The following ITGA9 variants were observed in gnomAD, a reference collection of about 807,000 sequenced individuals.
ITGA9 encodes the protein integrin alpha-9.
In ITGA9, 56 loss-of-function variants were observed where a neutral mutation model predicts 127.8. That is an observed-to-expected ratio of 0.44 (90% CI 0.35 to 0.55). The LOEUF (loss-of-function observed/expected upper bound fraction) is 0.55, where lower values mean the gene tolerates loss of function less well. ITGA9 is among the 20% of genes least tolerant of loss of function. The pLI is 0.00. For synonymous variants in ITGA9, 508 were observed against 514.5 expected, an observed-to-expected ratio of 0.99 and a Z score of 0.17; for missense variants, 1,196 against 1,347.1, an observed-to-expected ratio of 0.89 and a Z score of 1.76.
intron 18 of ITGA9, among the ~76,000 whole-genome samples, chr3:37,692,412 A>AGTGTGTGT (rs59928496): frequency 0.01 from 1,521 of 146,044 alleles, 22 homozygotes; most frequent in African/African-American, 0.034. Context: ...AGAGAGAGAG[A>AGTGTGTGT]GTGTGTGTGT....
At chr3:37,488,258 AT>A (rs1184629276) in intron 4 of ITGA9, among the ~76,000 whole-genome samples, 1 of 152,052 alleles carries the variant, frequency 6.6e-6, no homozygotes, top group African/African-American at 2.4e-5. Context: ...TGGTCCCAAA[AT>A]TGAATTCTGC....
At chr3:37,707,083 A>G (rs1346862537) in intron 18 of ITGA9, among the ~76,000 whole-genome samples, 2 of 152,220 alleles carry the variant, frequency 1.3e-5, no homozygotes, top group Non-Finnish European at 2.9e-5. Context: ...TATACTATAC[A>G]AGAAGTTATC....
intron 26 of ITGA9, among the ~76,000 whole-genome samples, chr3:37,793,973 G>T (rs1369635709): frequency 2.0e-5 from 3 of 152,190 alleles, no homozygotes; most frequent in African/African-American, 7.2e-5. Flanking sequence ...GACCCAAAAG[G>T]ATCTGGGCAG....
chr3:37,793,434 ACACG>A (rs1697137479), intron 26 of ITGA9, among the ~76,000 whole-genome samples: 1 of 143,968 alleles, frequency 6.9e-6, no homozygotes, highest in African/African-American at 2.6e-5. Context: ...ACACACACAC[ACACG>A]TGCACACACA....
chr3:37,506,333 C>T (rs1237103287), intron 7 of ITGA9, among the ~76,000 whole-genome samples: 1 of 151,970 alleles, frequency 6.6e-6, no homozygotes. Context: ...CACAGCTGAC[C>T]ATGTGTGTGT....
chr3:37,506,700 G>T (rs1698847302), intron 7 of ITGA9, among the ~76,000 whole-genome samples: 1 of 152,172 alleles, frequency 6.6e-6, no homozygotes, highest in Admixed American at 6.5e-5. Flanking sequence ...CCTGAATTGT[G>T]AACTACGCTT....
In ITGA9 at chr3:37,471,142, A is replaced by C; in HGVS notation, c.313+8A>C. On this transcript the variant is annotated splice_region_variant and intron_variant, in intron 2 of 27. Transcript: ENST00000264741. ...AACTGGACATGGCTCGAGGTGGGTG[A>C]CCATTACTGCTGTGGTGGAAATGGG... The C allele has an allele frequency of 6.2e-7, 1 of 1,613,810 alleles. No individual in the cohort carries two copies.
At chr3:37,480,305 G>T (rs1465095452) in intron 3 of ITGA9, among the ~76,000 whole-genome samples, 2 of 152,168 alleles carry the variant, frequency 1.3e-5, no homozygotes, top group African/African-American at 2.4e-5. Context: ...TAGCAGAGCT[G>T]CCCTGCCTCA....
intron 15 of ITGA9, among the ~76,000 whole-genome samples, chr3:37,599,934 T>C (rs1381132469): frequency 1.3e-5 from 2 of 152,116 alleles, no homozygotes; most frequent in African/African-American, 2.4e-5. Context: ...TCTGTAATGG[T>C]ATAATATGAA....
rs143332603 is a variant in ITGA9, at chr3:37,697,307, GTTATTATTATTATTA to G, written c.2067+13324_2067+13338del. On this transcript the variant is annotated intron_variant, in intron 18 of 27. Coordinates refer to ENST00000264741, the MANE Select transcript of ITGA9 (RefSeq NM_002207.3). ...ATTAGTACAAATAACGACTACTTCT[GTTATTATTATTATTA>G]TTATTATTATTATTATTATTATTAT... Among the ~76,000 whole-genome samples the G allele has an allele frequency of 8.1e-3, 1,168 of 143,616 alleles. 13 individuals are homozygous for G. Among genetic ancestry groups the G allele is most frequent in the Middle Eastern group, 0.036 (10 of 278 alleles). 94.2% of individuals were successfully genotyped at this position (143,616 alleles called of 152,430 possible). A position where few individuals can be genotyped will look rare whatever the true frequency, so the allele number is the denominator to read the frequency against.
intron 1 of ITGA9, among the ~76,000 whole-genome samples, chr3:37,463,546 A>G (rs1698338663): frequency 6.6e-6 from 1 of 152,202 alleles, no homozygotes; most frequent in African/African-American, 2.4e-5. Flanking sequence ...CAGAACAATC[A>G]GAGGCTTGCA....
rs570272853 is a variant in ITGA9 at position 37,525,938 on chromosome 3, G to C, written c.1328-88G>C. 1.2e-3 allele frequency: 1,305 copies of C among 1,066,442 alleles called. 24 individuals carry two copies. In the South Asian group the frequency reaches 0.016, roughly 13 times the overall value. 66.1% of individuals were successfully genotyped at this position (1,066,442 alleles called of 1,614,324 possible). A position where few individuals can be genotyped will look rare whatever the true frequency, so the allele number is the denominator to read the frequency against. On this transcript the variant is annotated intron_variant, in intron 12 of 27. Coordinates refer to ENST00000264741, the MANE Select transcript of ITGA9 (RefSeq NM_002207.3). ...TGAGGGCTCTCCGGCCTCAAGGCTG[G>C]GTCTCCATCCTTGTGAGCGCATTCC...
intron 15 of ITGA9, among the ~76,000 whole-genome samples, chr3:37,616,336 G>C (rs1321753502): frequency 6.6e-6 from 1 of 152,298 alleles, no homozygotes; most frequent in Middle Eastern, 3.4e-3. Context: ...GAGACAGCTT[G>C]TTATAATTTC....
intron 8 of ITGA9, 130 bp downstream of exon 8, chr3:37,508,757 G>A: frequency 2.7e-6 from 2 of 737,518 alleles, no homozygotes; most frequent in East Asian, 2.6e-5. Flanking sequence ...CTGTCTGCTT[G>A]TTGGTGTCTT....
intron 4 of ITGA9, among the ~76,000 whole-genome samples, chr3:37,487,028 T>C (rs1441294543): frequency 2.6e-5 from 4 of 152,230 alleles, no homozygotes; most frequent in African/African-American, 9.6e-5. Flanking sequence ...CCACAAGGGA[T>C]AAAAATCAAC....
At chr3:37,652,593 C>T (rs1185778608) in intron 16 of ITGA9, among the ~76,000 whole-genome samples, 2 of 152,132 alleles carry the variant, frequency 1.3e-5, no homozygotes, top group Non-Finnish European at 2.9e-5. Flanking sequence ...GTTCGTTGGC[C>T]AGCACGTTTG....
At chr3:37,549,483 G>A (rs1362015961) in intron 15 of ITGA9, among the ~76,000 whole-genome samples, 3 of 152,152 alleles carry the variant, frequency 2.0e-5, no homozygotes, top group African/African-American at 7.2e-5. Context: ...CAATTGCTAT[G>A]GGTAAAATTT....
rs112470754 is a variant in ITGA9, at chr3:37,624,995, G to C, written c.1690-4192G>C. ...TTTAAGATCACATAACCTGCAAAGT[G>C]CCCTGAGATCTGGTTCTGCATGAAT... On this transcript the variant is annotated intron_variant, in intron 15 of 27. Coordinates refer to ENST00000264741, the MANE Select transcript of ITGA9 (RefSeq NM_002207.3). 3.7e-3 allele frequency among the ~76,000 whole-genome samples: 570 copies of C among 152,268 alleles called. 3 individuals are homozygous for C. Among genetic ancestry groups the C allele is most frequent in the African/African-American group, 0.013 (521 of 41,558 alleles).
chr3:37,480,895 CA>C (rs1311494322), intron 3 of ITGA9, among the ~76,000 whole-genome samples: 1 of 152,190 alleles, frequency 6.6e-6, no homozygotes, highest in Admixed American at 6.5e-5. Context: ...ATGGTCTTTC[CA>C]AACTGTCACT....
Sources: gnomAD v4.1 joint callset for allele counts (sites outside exome capture counted in the v4.1 genomes callset) on GRCh38, gnomAD v4.1.1 for gene constraint, MANE v1.5 for transcripts, NCBI Gene and HGNC (gene_info 2026-07-23, HGNC 2026-07-21) for gene names.